Variants in ADCY2 observed in about 807,000 individuals in gnomAD.
ADCY2 encodes the protein adenylate cyclase 2.
Under a neutral mutation model 125.2 loss-of-function variants are expected in ADCY2, and 31 were observed. The ratio of observed to expected loss-of-function variants is 0.25; its 90% CI spans 0.19 to 0.33. The LOEUF (loss-of-function observed/expected upper bound fraction) is 0.33, where lower values mean the gene tolerates loss of function less well. Among genes scored for constraint, ADCY2 ranks in the 10% least tolerant of loss-of-function variants. The pLI, the probability that ADCY2 is intolerant of heterozygous loss-of-function variation, is 1.00. For missense variants in ADCY2, 904 were observed against 1,418.2 expected, an observed-to-expected ratio of 0.64 and a Z score of 5.82; for synonymous variants, 512 against 548.4, an observed-to-expected ratio of 0.93 and a Z score of 0.93.
At chr5:7,786,792 TA>T (rs536161478) in intron 19 of ADCY2, among the ~76,000 whole-genome samples, 120 of 152,322 alleles carry the variant, frequency 7.9e-4, no homozygotes, top group African/African-American at 2.8e-3. Flanking sequence ...TGTTGTTTTG[TA>T]GGAGAGCTTA....
chr5:7,517,681 T>A (rs1744299592), intron 2 of ADCY2, among the ~76,000 whole-genome samples: 1 of 152,226 alleles, frequency 6.6e-6, no homozygotes, highest in Admixed American at 6.5e-5. Flanking sequence ...TAATGAATAC[T>A]TAACAGGGAC....
intron 4 of ADCY2, among the ~76,000 whole-genome samples, chr5:7,638,769 A>T (rs1015928934): frequency 2.6e-5 from 4 of 152,140 alleles, no homozygotes; most frequent in African/African-American, 9.7e-5. Flanking sequence ...CATTTCTGCC[A>T]TCCTGAAACT....
chr5:7,726,582 C>T (rs1741940111), intron 13 of ADCY2, among the ~76,000 whole-genome samples: 1 of 152,118 alleles, frequency 6.6e-6, no homozygotes, highest in Non-Finnish European at 1.5e-5. Flanking sequence ...GATGAATGCA[C>T]TGGACGAGAG....
At chr5:7,575,189 A>C (rs1048889931) in intron 3 of ADCY2, among the ~76,000 whole-genome samples, 3 of 152,144 alleles carry the variant, frequency 2.0e-5, no homozygotes, top group African/African-American at 7.2e-5. Context: ...AAATTAAAAA[A>C]TAAAAAGGAG....
At chr5:7,665,830 T>C (rs1235525774) in intron 4 of ADCY2, among the ~76,000 whole-genome samples, 1 of 63,228 alleles carries the variant, frequency 1.6e-5, no homozygotes, top group Non-Finnish European at 3.3e-5. Flanking sequence ...ATTTAATTCT[T>C]TTTTTTTTTT....
chr5:7,446,533 AATAAATAC>A (rs984104824), intron 2 of ADCY2, among the ~76,000 whole-genome samples: 2 of 150,050 alleles, frequency 1.3e-5, no homozygotes, highest in African/African-American at 5.0e-5. Context: ...TTGTCTCTGA[AATAAATAC>A]ATACATACAT....
intron 2 of ADCY2, among the ~76,000 whole-genome samples, chr5:7,481,337 G>A (rs1742721966): frequency 6.6e-6 from 1 of 152,120 alleles, no homozygotes; most frequent in Non-Finnish European, 1.5e-5. Context: ...CACGATCTCG[G>A]CTCACTGCAA....
intron 22 of ADCY2, among the ~76,000 whole-genome samples, chr5:7,806,318 A>G (rs905611592): frequency 1.3e-5 from 2 of 152,182 alleles, no homozygotes; most frequent in African/African-American, 4.8e-5. Flanking sequence ...ACCATTAAAA[A>G]AAAAATAACA....
chr5:7,736,208 A>G (rs925047715), intron 14 of ADCY2, among the ~76,000 whole-genome samples: 1 of 152,216 alleles, frequency 6.6e-6, no homozygotes, highest in African/African-American at 2.4e-5. Context: ...TGACAGAGCA[A>G]GACTCTGTCT....
intron 3 of ADCY2, among the ~76,000 whole-genome samples, chr5:7,551,794 C>G (rs1172593262): frequency 6.6e-6 from 1 of 152,132 alleles, no homozygotes; most frequent in Admixed American, 6.5e-5. Context: ...AGATATGTTT[C>G]TTTGAATGCC....
chr5:7,824,284 C>G (rs1197800786), intron 24 of ADCY2, among the ~76,000 whole-genome samples: 1 of 152,184 alleles, frequency 6.6e-6, no homozygotes, highest in Admixed American at 6.5e-5. Flanking sequence ...TGCGGCTTCT[C>G]CTAGGCCTGG....
chr5:7,796,412 T>G (rs1744422521), intron 20 of ADCY2: 1 of 152,252 alleles, frequency 6.6e-6, no homozygotes, highest in Non-Finnish European at 1.5e-5. Flanking sequence ...AGACCTGCAT[T>G]AACACAGATC....
At chr5:7,681,743 C>T (rs1740346776) in intron 4 of ADCY2, among the ~76,000 whole-genome samples, 1 of 152,022 alleles carries the variant, frequency 6.6e-6, no homozygotes, top group African/African-American at 2.4e-5. Context: ...GCCCCAAGAG[C>T]AGTTTTGCTT....
At chr5:7,700,099 A>G (rs1272510615) in intron 7 of ADCY2, among the ~76,000 whole-genome samples, 3 of 152,356 alleles carry the variant, frequency 2.0e-5, no homozygotes, top group Admixed American at 6.5e-5. Flanking sequence ...AGTTATTACA[A>G]CCAGACTGCA....
At position 7,661,381 on chromosome 5, in the gene ADCY2, C is replaced by T. The variant is rs548885312; in HGVS notation, c.721-29310C>T. ...ATGGAAAATGCATACTTGGCAAAAG[C>T]GAAAAAGAGGGACAAAAGAACCACA... is the stretch of plus-strand genomic sequence containing the variant. On this transcript the variant is annotated intron_variant, in intron 4 of 24. Transcript: ENST00000338316. 1.4e-4 allele frequency among the ~76,000 whole-genome samples: 22 copies of T among 151,876 alleles called. 1 individual carries two copies. The South Asian group carries it at 4.6e-3, about 32-fold the overall frequency.
chr5:7,700,389 A>C (rs1309019540), intron 7 of ADCY2, among the ~76,000 whole-genome samples: 1 of 152,212 alleles, frequency 6.6e-6, no homozygotes, highest in Non-Finnish European at 1.5e-5. Flanking sequence ...AGAAGCCAGA[A>C]TATTCTTATA....
At chr5:7,501,638 TTCCCC>T (rs1442409936) in intron 2 of ADCY2, among the ~76,000 whole-genome samples, 4 of 27,934 alleles carry the variant, frequency 1.4e-4, no homozygotes, top group Non-Finnish European at 2.0e-4. Context: ...AAGAATGAGA[TTCCCC>T]CCTCCCCCCC....
rs559983669 is a variant in ADCY2 at position 7,828,663 on chromosome 5, C to T, written c.*1792C>T. On this transcript the variant is annotated 3_prime_UTR_variant, in exon 25 of 25. Coordinates refer to ENST00000338316, the MANE Select transcript of ADCY2 (RefSeq NM_020546.3). ...ACAACTCAGCATTGGCCTTAATATACCTAAATCTCCAAAAACAGTGATTAA... is the reference window on the plus strand; with the variant it reads ...ACAACTCAGCATTGGCCTTAATATATCTAAATCTCCAAAAACAGTGATTAA... 1 of 152,314 alleles carries T rather than the reference C, an allele frequency of 6.6e-6. No homozygotes were observed. Among genetic ancestry groups the T allele is most frequent in the Admixed American group, 6.5e-5 (1 of 15,278 alleles). 9.4% of individuals were successfully genotyped at this position (152,314 alleles called of 1,614,324 possible).
At chr5:7,469,910 A>G (rs1420099768) in intron 2 of ADCY2, among the ~76,000 whole-genome samples, 2 of 151,204 alleles carry the variant, frequency 1.3e-5, no homozygotes, top group African/African-American at 4.8e-5. Context: ...GTTGTTTTCT[A>G]TATGTACTTT....
Sources: allele counts gnomAD v4.1 joint callset (sites outside exome capture counted in the v4.1 genomes callset), GRCh38; gene constraint gnomAD v4.1.1; transcripts MANE v1.5; gene names NCBI Gene and HGNC (gene_info 2026-07-23, HGNC 2026-07-21).